Variants in KLHL1 observed in about 807,000 individuals in gnomAD.
The protein encoded by KLHL1 is kelch-like protein 1.
A neutral mutation model predicts 77.7 loss-of-function variants in KLHL1; 47 were observed. The ratio of observed to expected loss-of-function variants is 0.60; its 90% CI spans 0.48 to 0.77. KLHL1 has a LOEUF of 0.77. KLHL1 is among the 30% of genes least tolerant of loss of function. The pLI, the probability that KLHL1 is intolerant of heterozygous loss-of-function variation, is 0.00. For synonymous variants in KLHL1, 360 were observed against 325.2 expected (o/e 1.11, Z -1.15); for missense variants, 925 against 910.8 (o/e 1.02, Z -0.20).
intron 1 of KLHL1, among the ~76,000 whole-genome samples, chr13:70,009,158 CCTT>C (rs35388987): frequency 0.1 from 15,608 of 151,922 alleles, 863 homozygotes; most frequent in African/African-American, 0.12. Context: ...AGTCACGACT[CCTT>C]CTATTAATAA....
At chr13:70,086,593 AG>A (rs373282883) in intron 1 of KLHL1, among the ~76,000 whole-genome samples, 15,765 of 51,390 alleles carry the variant, frequency 0.31, 2,016 homozygotes, top group Admixed American at 0.38. Flanking sequence ...AAAAAAAAAA[AG>A]AAAGAAAGAA....
intron 4 of KLHL1, among the ~76,000 whole-genome samples, chr13:69,919,188 C>G (rs1016389152): frequency 6.6e-6 from 1 of 152,082 alleles, no homozygotes; most frequent in East Asian, 1.9e-4. Context: ...AACATAGAAA[C>G]GGTATTTTCT....
At chr13:70,007,437 T>C (rs1163463708) in intron 1 of KLHL1, among the ~76,000 whole-genome samples, 1 of 149,570 alleles carries the variant, frequency 6.7e-6, no homozygotes, top group Non-Finnish European at 1.5e-5. Flanking sequence ...ACAGCAATAT[T>C]TCATCTCAAA....
intron 4 of KLHL1, among the ~76,000 whole-genome samples, chr13:69,919,541 G>A (rs1449358076): frequency 6.7e-6 from 1 of 148,464 alleles, no homozygotes; most frequent in Non-Finnish European, 1.5e-5. Flanking sequence ...TGTACTTTGG[G>A]TACATTAATG....
At chr13:69,900,492 C>T (rs1400850034) in intron 4 of KLHL1, among the ~76,000 whole-genome samples, 1 of 152,156 alleles carries the variant, frequency 6.6e-6, no homozygotes, top group Non-Finnish European at 1.5e-5. Context: ...CACCATTGTT[C>T]CCAGTAATCC....
At chr13:70,076,617 CAAAAA>C (rs759122652) in intron 1 of KLHL1, among the ~76,000 whole-genome samples, 141 of 150,218 alleles carry the variant, frequency 9.4e-4, no homozygotes, top group Middle Eastern at 6.8e-3. Context: ...TGAAAGAAAA[CAAAAA>C]AAAACAAAAC....
intron 1 of KLHL1, among the ~76,000 whole-genome samples, chr13:69,999,623 A>G (rs1199099485): frequency 6.6e-6 from 1 of 152,068 alleles, no homozygotes; most frequent in Non-Finnish European, 1.5e-5. Flanking sequence ...CTGTAGCTAA[A>G]GAAGACTCTG....
intron 2 of KLHL1, among the ~76,000 whole-genome samples, chr13:69,963,321 C>T (rs1186258797): frequency 1.3e-5 from 2 of 152,024 alleles, no homozygotes; most frequent in Non-Finnish European, 2.9e-5. Context: ...TCTATTTGTT[C>T]TTCGGATTAA....
At chr13:69,769,483 G>A (rs1395298815) in intron 7 of KLHL1, among the ~76,000 whole-genome samples, 1 of 152,178 alleles carries the variant, frequency 6.6e-6, no homozygotes, top group Admixed American at 6.5e-5. Flanking sequence ...TCAAGCCAGT[G>A]ACAGCCAGAA....
At chr13:69,760,347 TTTA>T (rs141226123) in intron 7 of KLHL1, among the ~76,000 whole-genome samples, 11 of 150,144 alleles carry the variant, frequency 7.3e-5, no homozygotes, top group Non-Finnish European at 8.9e-5. Context: ...GTTAGGATAT[TTTA>T]TTATTATTAT....
Position 69,940,137 on chromosome 13 carries a change from A to C in KLHL1, c.917T>G (p.Met306Arg). Residue 306 changes from methionine to arginine, a missense_variant, in exon 4 of 11, where the codon ATG becomes AGG. Transcript: ENST00000377844. ...ACAGTTAGATGGATGCAAAAGCTTCATGAGGAAGTGGCAGCACACTTCCAC... is the reference window on the plus strand; with the variant it reads ...ACAGTTAGATGGATGCAAAAGCTTCCTGAGGAAGTGGCAGCACACTTCCAC... ...QVVEVCCHFL[M>R]KLLHPSNCLG... The C allele has an allele frequency of 6.2e-7, 1 of 1,613,100 alleles. No individual in the cohort carries two copies.
intron 5 of KLHL1, among the ~76,000 whole-genome samples, chr13:69,879,815 A>C (rs560742153): frequency 6.6e-6 from 1 of 152,020 alleles, no homozygotes; most frequent in Non-Finnish European, 1.5e-5. Context: ...TCTGGTCTTT[A>C]AAACTAAAGA....
chr13:69,841,718 T>A (rs1164437784), intron 5 of KLHL1, among the ~76,000 whole-genome samples: 1 of 151,746 alleles, frequency 6.6e-6, no homozygotes, highest in Admixed American at 6.6e-5. Flanking sequence ...CTAAAATATA[T>A]ATAAAACATC....
In KLHL1 at chr13:69,882,345, T is replaced by A; in HGVS notation, c.1165A>T (p.Ser389Cys). ...AGCATGCTCAGGTCATTGCATCTAC[T>A]CTGCATGTCATACTTGACCCACATC... ...LMMWVKYDMQ[S>C]RCNDLSMLLA... Residue 389 changes from serine to cysteine, a missense_variant, in exon 5 of 11, where the codon AGT becomes TGT. Ser to Cys is a moderately radical substitution (Grantham distance 112, BLOSUM62 -1). Coordinates refer to ENST00000377844, the MANE Select transcript of KLHL1 (RefSeq NM_020866.3). 6.2e-7 allele frequency: 1 copy of A among 1,614,028 alleles called. No homozygotes were observed. The highest frequency in any genetic ancestry group is 8.5e-7 in the Non-Finnish European group (1 of 1,179,904).
chr13:70,084,622 CTTTTTTTTTTTT>C lies in KLHL1; in HGVS notation c.497+22569_497+22580del, dbSNP rs71116988. ...TACAGGCACCTGCCACCACGCCAGG[CTTTTTTTTTTTT>C]TTTTTTTTTTTTTTGAATTTTTAGT... On this transcript the variant is annotated intron_variant, in intron 1 of 10. Coordinates refer to ENST00000377844, the MANE Select transcript of KLHL1 (RefSeq NM_020866.3). Among the ~76,000 whole-genome samples, 36 of 14,954 alleles carry C rather than the reference CTTTTTTTTTTTT, an allele frequency of 2.4e-3. 2 individuals carry two copies. The highest frequency in any genetic ancestry group is 9.6e-3 in the African/African-American group (28 of 2,904). 9.8% of individuals were successfully genotyped at this position (14,954 alleles called of 152,430 possible). A position where few individuals can be genotyped will look rare whatever the true frequency, so the allele number is the denominator to read the frequency against.
At chr13:70,009,588 T>C (rs2137335919) in intron 1 of KLHL1, among the ~76,000 whole-genome samples, 1 of 152,096 alleles carries the variant, frequency 6.6e-6, no homozygotes, top group East Asian at 1.9e-4. Flanking sequence ...TATTGGGTAG[T>C]GAGAGTTGGA....
intron 9 of KLHL1, among the ~76,000 whole-genome samples, chr13:69,713,009 T>C (rs902585764): frequency 6.6e-6 from 1 of 152,000 alleles, no homozygotes; most frequent in African/African-American, 2.4e-5. Context: ...TTTTTAAATT[T>C]TAGTGAGATG....
At chr13:69,809,329 A>T (rs1419674142) in intron 6 of KLHL1, among the ~76,000 whole-genome samples, 1 of 152,216 alleles carries the variant, frequency 6.6e-6, no homozygotes, top group African/African-American at 2.4e-5. Flanking sequence ...TTACCTACAA[A>T]GGGAAACCTG....
intron 1 of KLHL1, among the ~76,000 whole-genome samples, chr13:70,025,173 A>G (rs994621594): frequency 6.6e-6 from 1 of 152,100 alleles, no homozygotes; most frequent in Non-Finnish European, 1.5e-5. Flanking sequence ...AGGTCTTTGG[A>G]CTAATTTTCC....
Sources: gnomAD v4.1 joint callset for allele counts (sites outside exome capture counted in the v4.1 genomes callset) on GRCh38, gnomAD v4.1.1 for gene constraint, MANE v1.5 for transcripts, NCBI Gene and HGNC (gene_info 2026-07-23, HGNC 2026-07-21) for gene names.